The following NLRP4 variants were observed in gnomAD, a reference collection of about 807,000 sequenced individuals.
NLRP4 encodes the protein NACHT, LRR and PYD domains-containing protein 4.
In NLRP4, 44 loss-of-function variants were observed where a neutral mutation model predicts 84.7. That is an observed-to-expected ratio of 0.52 (90% CI 0.41 to 0.67). NLRP4 has a LOEUF of 0.67. Among genes scored for constraint, NLRP4 ranks in the 30% least tolerant of loss-of-function variants. NLRP4 has a pLI of 0.00. For missense variants in NLRP4, 1,260 were observed against 1,219.4 expected (o/e 1.03, Z -0.50); for synonymous variants, 544 against 476.4 (o/e 1.14, Z -1.85).
Position 55,857,792 on chromosome 19 carries a change from C to G in NLRP4, c.399C>G (p.Asp133Glu). Residue 133 changes from aspartate (D) to glutamate (E), a missense_variant, in exon 3 of 10, where the codon GAC (aspartate) becomes GAG (glutamate). By Grantham distance (45) the Asp-to-Glu change is conservative. Coordinates refer to ENST00000301295, the MANE Select transcript of NLRP4 (RefSeq NM_134444.5). ...AGGAAGTCAAGCAAGAAGAATGTGA[C>G]CATTTGGACCGCCTTTTTGCTCCCA... ...FEEEVKQEEC[D>E]HLDRLFAPKE... 1 of 1,614,012 alleles carries G rather than the reference C, an allele frequency of 6.2e-7. No homozygotes were observed. Among genetic ancestry groups the G allele is most frequent in the Non-Finnish European group, 8.5e-7 (1 of 1,179,922 alleles).
intron 2 of NLRP4, among the ~76,000 whole-genome samples, chr19:55,856,359 C>A (rs1367533910): frequency 6.6e-6 from 1 of 152,094 alleles, no homozygotes; most frequent in Non-Finnish European, 1.5e-5. Context: ...TTCATGGAAG[C>A]TGGCAGCAAA....
rs745753534 is a variant in NLRP4, at chr19:55,870,949, C to T, written c.2477C>T (p.Thr826Ile). 3 of 1,614,070 alleles carry T rather than the reference C, an allele frequency of 1.9e-6. No homozygotes were observed. Among genetic ancestry groups the T allele is most frequent in the Admixed American group, 3.3e-5 (2 of 60,008 alleles). Residue 826 changes from threonine (T) to isoleucine (I), a missense_variant, in exon 7 of 10, where the codon ACT (threonine) becomes ATT (isoleucine). Thr to Ile is a moderately conservative substitution (Grantham distance 89, BLOSUM62 -1). This residue lies in a region of NLRP4 where 544 missense variants were observed against 531.7 expected (regional missense o/e 1.02). Transcript: ENST00000301295. ...GTCCTGAAGGACGAAGGACTGAAAA[C>T]TCTCTGCGAGGCCTTGAAACATCCG... ...ANVLKDEGLK[T>I]LCEALKHPDC...
intron 9 of NLRP4, among the ~76,000 whole-genome samples, chr19:55,879,825 CTTA>C (rs111354438): frequency 0.29 from 43,513 of 151,524 alleles, 6,554 homozygotes; most frequent in Middle Eastern, 0.38. Flanking sequence ...TCCTATATCA[CTTA>C]TTATTATAAT....
At chr19:55,840,773 G>A (rs1983583211) in intron 1 of NLRP4, among the ~76,000 whole-genome samples, 1 of 152,122 alleles carries the variant, frequency 6.6e-6, no homozygotes, top group African/African-American at 2.4e-5. Context: ...GGTAATTTGA[G>A]CCCTGTGGTT....
chr19:55,859,892 C>A (rs1417797200), intron 3 of NLRP4, among the ~76,000 whole-genome samples: 4 of 134,492 alleles, frequency 3.0e-5, no homozygotes, highest in African/African-American at 5.8e-5. Flanking sequence ...GCACCACTGC[C>A]CTCCAGGCTG....
rs1304114920 is a variant in NLRP4 at position 55,836,939 on chromosome 19, G to T, written c.-66+5G>T. 2.1e-5 allele frequency: 3 copies of T among 143,618 alleles called. No individual in the cohort carries two copies. Among genetic ancestry groups the T allele is most frequent in the Admixed American group, 1.4e-4 (2 of 14,570 alleles). The allele number at this position is 143,618 out of a possible 1,614,324, so 8.9% of individuals were successfully genotyped here. On this transcript the variant is annotated splice_donor_5th_base_variant and intron_variant, in intron 1 of 9. Transcript: ENST00000301295. ...GAGAACATAGACAGGGATGAGGTAA[G>T]GGGGGGGACTTCCCATGAAAGGTGG...
chr19:55,867,635 C>CT, intron 5 of NLRP4, 74 bp from the exon 6 acceptor site: 1 of 1,397,472 alleles, frequency 7.2e-7, no homozygotes, highest in Non-Finnish European at 1.0e-6. Flanking sequence ...CTTCCCGACT[C>CT]TGACAGGATT....
intron 5 of NLRP4, among the ~76,000 whole-genome samples, chr19:55,866,379 G>T (rs73622481): frequency 0.033 from 5,058 of 152,252 alleles, 285 homozygotes; most frequent in African/African-American, 0.12. Context: ...AAGCATGCAT[G>T]GCCTCAGAGC....
In NLRP4 at chr19:55,881,576, G is replaced by A; in HGVS notation, c.2974G>A (p.Val992Ile). The A allele has an allele frequency of 6.5e-7, 1 of 1,546,600 alleles. No homozygotes were observed. Among genetic ancestry groups the A allele is most frequent in the Non-Finnish European group, 8.9e-7 (1 of 1,120,744 alleles). The change falls in exon 10 of 10, where the codon GTA (valine) becomes ATA (isoleucine). Residue 992 changes from valine (V) to isoleucine (I), a missense_variant. By Grantham distance (29) the Val-to-Ile change is conservative. Coordinates refer to ENST00000301295, the MANE Select transcript of NLRP4 (RefSeq NM_134444.5). ...AGACGACTGTGACACAATCACAAGG[G>A]TAGAGATCTGATTGCGAGGAACCTG... The part of the protein sequence containing the change: ...ITDDCDTITR[V>I]EI
chr19:55,852,337 T>G lies in NLRP4; in HGVS notation c.257T>G (p.Met86Arg), dbSNP rs1014839579. The change falls in exon 2 of 10, where the codon ATG (methionine) becomes AGG (arginine). Residue 86 changes from methionine (M) to arginine (R), a missense_variant. Around this residue, in one of 3 missense-constraint regions of NLRP4, gnomAD observed 712 missense variants for 669.2 expected, o/e 1.06. Coordinates refer to ENST00000301295, the MANE Select transcript of NLRP4 (RefSeq NM_134444.5). Reference protein sequence around the residue: ...FQKMDRKDLCMKVMRERTGYT... With the variant: ...FQKMDRKDLCRKVMRERTGYT... ...AAGATGGATAGAAAGGATCTCTGCATGAAGGTCATGAGGGAGAGAACAGGT... is the reference window on the plus strand; with the variant it reads ...AAGATGGATAGAAAGGATCTCTGCAGGAAGGTCATGAGGGAGAGAACAGGT... 1 of 1,605,062 alleles carries G rather than the reference T, an allele frequency of 6.2e-7. No homozygotes were observed. The highest frequency in any genetic ancestry group is 1.3e-5 in the African/African-American group (1 of 74,252).
intron 1 of NLRP4, among the ~76,000 whole-genome samples, chr19:55,851,680 G>A (rs978044107): frequency 6.7e-6 from 1 of 148,660 alleles, no homozygotes; most frequent in Non-Finnish European, 1.5e-5. Context: ...CCGAGGCTGC[G>A]GTGTAATGTC....
rs2123031790 is a variant in NLRP4 at position 55,857,665 on chromosome 19, C to G, written c.281-9C>G. The G allele has an allele frequency of 1.9e-6, 3 of 1,610,588 alleles. No homozygotes were observed. The East Asian group carries it at 6.7e-5, about 36-fold the overall frequency. On this transcript the variant is annotated splice_polypyrimidine_tract_variant and intron_variant, in intron 2 of 9. Transcript: ENST00000301295. ...TGGGTTTTCTCTCCTCTTGCCCTCA[C>G]TGACTCAGGATACACAAAGACCTAT...
At chr19:55,871,836 C>A (rs1434484156) in intron 7 of NLRP4, among the ~76,000 whole-genome samples, 1 of 149,088 alleles carries the variant, frequency 6.7e-6, no homozygotes. Flanking sequence ...AGAAGCTAAA[C>A]AGAAATAATC....
At chr19:55,880,651 C>T (rs1022082867) in intron 9 of NLRP4, among the ~76,000 whole-genome samples, 2 of 152,102 alleles carry the variant, frequency 1.3e-5, no homozygotes, top group East Asian at 1.9e-4. Context: ...GGGACAGTTG[C>T]ACGCAAACAG....
At chr19:55,873,983 G>T (rs950777791) in intron 7 of NLRP4, among the ~76,000 whole-genome samples, 1 of 151,826 alleles carries the variant, frequency 6.6e-6, no homozygotes, top group Non-Finnish European at 1.5e-5. Context: ...TTTTTTAATG[G>T]TAAAATAAAC....
chr19:55,852,981 T>C (rs1401620058), intron 2 of NLRP4, among the ~76,000 whole-genome samples: 3 of 152,248 alleles, frequency 2.0e-5, no homozygotes, highest in Admixed American at 1.3e-4. Flanking sequence ...ACCTGACTTA[T>C]TTGCAAGAGC....
intron 1 of NLRP4, among the ~76,000 whole-genome samples, chr19:55,842,188 G>A (rs146229123): frequency 0.014 from 2,090 of 152,098 alleles, 38 homozygotes; most frequent in African/African-American, 0.044. Context: ...TCGTTTTTCC[G>A]TTCTTAGTTA....
chr19:55,873,534 C>A (rs1054829543), intron 7 of NLRP4, among the ~76,000 whole-genome samples: 5 of 152,068 alleles, frequency 3.3e-5, no homozygotes, highest in African/African-American at 9.7e-5. Context: ...TTATAAGTTA[C>A]TTATTAAAAC....
chr19:55,859,463 AGG>A (rs912559297), intron 3 of NLRP4, among the ~76,000 whole-genome samples: 1 of 152,184 alleles, frequency 6.6e-6, no homozygotes, highest in Non-Finnish European at 1.5e-5. Flanking sequence ...CCATTACAGA[AGG>A]GGGAATAATA....
Sources: allele counts gnomAD v4.1 joint callset (sites outside exome capture counted in the v4.1 genomes callset), GRCh38; gene constraint gnomAD v4.1.1; regional missense constraint gnomAD v4.1.1; transcripts MANE v1.5; gene names NCBI Gene and HGNC (gene_info 2026-07-23, HGNC 2026-07-21).